ARHGAP27: variants seen among roughly 807,000 people sequenced by gnomAD.
ARHGAP27 encodes the protein Rho GTPase activating protein 27, also known as rho GTPase-activating protein 27.
Under a neutral mutation model 102.0 loss-of-function variants are expected in ARHGAP27, and 53 were observed. The ratio of observed to expected loss-of-function variants is 0.52; its 90% CI spans 0.42 to 0.65. The LOEUF (loss-of-function observed/expected upper bound fraction) is 0.65. Ranked by LOEUF, ARHGAP27 falls within the 30% of genes least tolerant of loss-of-function variation. The probability of loss-of-function intolerance (pLI) is 0.00; values close to 1 mark genes in which losing one functional copy is unlikely to be tolerated. For synonymous variants in ARHGAP27, 525 were observed against 542.8 expected (o/e 0.97, Z 0.46); for missense variants, 1,117 against 1,256.2 (o/e 0.89, Z 1.68).
At chr17:45,431,876 T>A in intron 2 of ARHGAP27, 124 bp from the exon 3 acceptor site, 1 of 178,692 alleles carries the variant, frequency 5.6e-6, no homozygotes, top group South Asian at 7.9e-5. Context: ...TGGGGGGCAT[T>A]GGGACGAGGC....
chr17:45,403,747 G>C (rs1567700860), intron 10 of ARHGAP27, 38 bp from the exon 11 acceptor site: 1 of 1,565,194 alleles, frequency 6.4e-7, no homozygotes, highest in Non-Finnish European at 8.8e-7. Context: ...GCAGGACTTA[G>C]ATTTGGTCCT....
In ARHGAP27 at chr17:45,405,047, A is replaced by G. The variant is rs1439148461; in HGVS notation, c.1125T>C (p.Tyr375=). ...ESLTSYPEED[Y]SPVGSFGEPG... is the part of the protein sequence containing the mutation. Reference sequence around the variant, plus strand: ...GCTCACCGAAAGAGCCCACGGGAGAATAGTCCTCCTCGGGGTAACTGGTCA... The same window carrying G: ...GCTCACCGAAAGAGCCCACGGGAGAGTAGTCCTCCTCGGGGTAACTGGTCA... The change falls in exon 6 of 20, where the codon TAT becomes TAC. Residue 375 remains tyrosine, a synonymous_variant. Transcript: ENST00000685559. 1 of 1,612,878 alleles carries G rather than the reference A, an allele frequency of 6.2e-7. No individual in the cohort carries two copies. Among genetic ancestry groups the G allele is most frequent in the African/African-American group, 1.3e-5 (1 of 75,014 alleles).
At chr17:45,420,414 A>T (rs984188647) in intron 4 of ARHGAP27, among the ~76,000 whole-genome samples, 1 of 152,228 alleles carries the variant, frequency 6.6e-6, no homozygotes, top group African/African-American at 2.4e-5. Flanking sequence ...AAACTTTGGA[A>T]GAATGAAGAA....
chr17:45,410,201 C>T (rs1476075053), intron 4 of ARHGAP27: 2 of 1,532,878 alleles, frequency 1.3e-6, no homozygotes, highest in Non-Finnish European at 1.7e-6. Flanking sequence ...TAGAGGCCCA[C>T]CGGGCACCCC....
At chr17:45,420,679 G>A (rs755773715) in intron 4 of ARHGAP27, among the ~76,000 whole-genome samples, 2 of 152,142 alleles carry the variant, frequency 1.3e-5, no homozygotes, top group Non-Finnish European at 2.9e-5. Flanking sequence ...TTTTGGCCGG[G>A]CGCAGTGGCT....
At position 45,418,023 on chromosome 17, in the gene ARHGAP27, C is replaced by T. The variant is rs532098725; in HGVS notation, c.657+11600G>A. ...CTGCACTCCAGCCTGGGCGACAAAG[C>T]GAGACTCTGTCTCAAAAAAAAAAAA... On this transcript the variant is annotated intron_variant, in intron 4 of 19. Transcript: ENST00000685559. Among the ~76,000 whole-genome samples the T allele has an allele frequency of 5.8e-4, 85 of 145,878 alleles. 2 individuals are homozygous for T. Among genetic ancestry groups the T allele is most frequent in the African/African-American group, 2.0e-3 (80 of 39,472 alleles).
intron 12 of ARHGAP27, among the ~76,000 whole-genome samples, chr17:45,401,231 C>T (rs186802206): frequency 1.3e-5 from 2 of 152,206 alleles, no homozygotes; most frequent in African/African-American, 2.4e-5. Context: ...CCTAGCTACT[C>T]GGAAGCCTTA....
chr17:45,418,539 C>G (rs368943000), intron 4 of ARHGAP27, among the ~76,000 whole-genome samples: 21 of 152,310 alleles, frequency 1.4e-4, no homozygotes, highest in African/African-American at 4.6e-4. Flanking sequence ...CCAGCTCCCC[C>G]CACCCCCGAA....
rs2046889391 is a variant in ARHGAP27 at position 45,404,531 on chromosome 17, G to A, written c.1330-3C>T. On this transcript the variant is annotated splice_region_variant and splice_polypyrimidine_tract_variant and intron_variant, in intron 7 of 19. Coordinates refer to ENST00000685559, the MANE Select transcript of ARHGAP27 (RefSeq NM_001282290.2). ...CTTCGAGGGGCAGGGACAGGGACCTGGGGAGAAAGACACAGTCGTATATGA... is the reference window on the plus strand; with the variant it reads ...CTTCGAGGGGCAGGGACAGGGACCTAGGGAGAAAGACACAGTCGTATATGA... 6.2e-7 allele frequency: 1 copy of A among 1,613,268 alleles called. No individual in the cohort carries two copies. Among genetic ancestry groups the A allele is most frequent in the Admixed American group, 1.7e-5 (1 of 59,736 alleles).
intron 6 of ARHGAP27, 85 bp from the exon 7 acceptor site, chr17:45,404,766 C>A: frequency 6.6e-7 from 1 of 1,517,168 alleles, no homozygotes; most frequent in Admixed American, 1.9e-5. Flanking sequence ...TCCAAGACAG[C>A]ACCAGGGAGT....
intron 4 of ARHGAP27, among the ~76,000 whole-genome samples, chr17:45,421,186 A>G (rs2049001719): frequency 7.3e-6 from 1 of 137,420 alleles, no homozygotes; most frequent in African/African-American, 2.7e-5. Context: ...AGAAACAATA[A>G]TCGAGCAACA....
At chr17:45,412,691 T>C (rs2048044703) in intron 4 of ARHGAP27, among the ~76,000 whole-genome samples, 1 of 152,160 alleles carries the variant, frequency 6.6e-6, no homozygotes, top group South Asian at 2.1e-4. Context: ...CCCAAACACA[T>C]GTTCTCCAGG....
intron 4 of ARHGAP27, among the ~76,000 whole-genome samples, chr17:45,428,448 G>C (rs1189889044): frequency 6.6e-6 from 1 of 152,228 alleles, no homozygotes; most frequent in East Asian, 1.9e-4. Flanking sequence ...TGTAAGTTAA[G>C]TGGCTGTCAG....
Position 45,406,090 on chromosome 17 carries a change from G to A in ARHGAP27, c.658-7C>T. The stretch of plus-strand genomic sequence containing the variant: ...GCTCCGGTGGGTCGTCCACCTGCGG[G>A]AGGAGAAAGGAGGAATTTTGTGTTT... On this transcript the variant is annotated splice_polypyrimidine_tract_variant and splice_region_variant and intron_variant, in intron 4 of 19. Transcript: ENST00000685559. 6.7e-7 allele frequency: 1 copy of A among 1,502,408 alleles called. No homozygotes were observed. Among genetic ancestry groups the A allele is most frequent in the Non-Finnish European group, 8.9e-7 (1 of 1,127,208 alleles). The allele number at this position is 1,502,408 out of a possible 1,614,324, so 93.1% of individuals were successfully genotyped here.
chr17:45,403,156 C>G (rs902830631), intron 11 of ARHGAP27, among the ~76,000 whole-genome samples: 1 of 152,246 alleles, frequency 6.6e-6, no homozygotes, highest in African/African-American at 2.4e-5. Context: ...GCTAAAACTA[C>G]TTGTCTTGGA....
At chr17:45,419,263 A>G (rs2048781763) in intron 4 of ARHGAP27, among the ~76,000 whole-genome samples, 1 of 152,142 alleles carries the variant, frequency 6.6e-6, no homozygotes, top group Non-Finnish European at 1.5e-5. Flanking sequence ...GAGGGTCCAC[A>G]TCTCACTCTG....
chr17:45,409,908 GGCC>G, intron 4 of ARHGAP27: 2 of 337,250 alleles, frequency 5.9e-6, no homozygotes, highest in South Asian at 5.4e-5. Flanking sequence ...GACAAGAAGT[GGCC>G]TTCCGACCTC....
chr17:45,426,771 T>C (rs545132244), intron 4 of ARHGAP27, among the ~76,000 whole-genome samples: 1 of 152,282 alleles, frequency 6.6e-6, no homozygotes, highest in East Asian at 1.9e-4. Context: ...CTTCTGCCCG[T>C]TGTCCACACA....
intron 4 of ARHGAP27, among the ~76,000 whole-genome samples, chr17:45,406,962 G>A (rs2047247108): frequency 1.3e-5 from 2 of 152,142 alleles, no homozygotes; most frequent in African/African-American, 2.4e-5. Flanking sequence ...GAGGTGAATT[G>A]TTTTACTCCA....
Sources: allele counts gnomAD v4.1 joint callset (sites outside exome capture counted in the v4.1 genomes callset), GRCh38; gene constraint gnomAD v4.1.1; transcripts MANE v1.5; gene names NCBI Gene and HGNC (gene_info 2026-07-23, HGNC 2026-07-21).